The following SLCO4A1 variants were observed in gnomAD, a reference collection of about 807,000 sequenced individuals.
The protein encoded by SLCO4A1 is colon organic anion transporter.
Under a neutral mutation model 64.6 loss-of-function variants are expected in SLCO4A1, and 51 were observed. The observed-to-expected ratio is 0.79, with a 90% CI of 0.63 to 1.00. The LOEUF (loss-of-function observed/expected upper bound fraction) is 1.00, where lower values mean the gene tolerates loss of function less well. SLCO4A1 is among the 50% of genes least tolerant of loss of function. SLCO4A1 has a pLI of 0.00. For synonymous variants in SLCO4A1, 471 were observed against 444.9 expected (o/e 1.06, Z -0.74); for missense variants, 919 against 980.5 (o/e 0.94, Z 0.84).
At position 62,647,833 on chromosome 20, in the gene SLCO4A1, C is replaced by T. The variant is rs114069616; in HGVS notation, c.-97+5280C>T. On this transcript the variant is annotated intron_variant, in intron 1 of 11. Coordinates refer to ENST00000217159, the MANE Select transcript of SLCO4A1 (RefSeq NM_016354.4). ...GCCACCCGCACGTGGCCACTAGCTC[C>T]TCCCAGGTCACTGTCCTGGCTTGAG... 7.3e-3 allele frequency among the ~76,000 whole-genome samples: 1,113 copies of T among 152,334 alleles called. 18 individuals carry two copies. Among genetic ancestry groups the T allele is most frequent in the African/African-American group, 0.025 (1,056 of 41,572 alleles).
At chr20:62,666,826 G>A in intron 7 of SLCO4A1, 2 of 537,710 alleles carry the variant, frequency 3.7e-6, no homozygotes, top group South Asian at 4.6e-5. Flanking sequence ...TGCCTCTCTG[G>A]GCCTCAGCAC....
In SLCO4A1 at chr20:62,671,925, C is replaced by T. The variant is rs758923578; in HGVS notation, c.*32C>T. Reference sequence around the variant, plus strand: ...CCCGCGCCCACCCGGCCACGGCGGGCACTCAGCATTTCCTGATGACAGAAC... The same window carrying T: ...CCCGCGCCCACCCGGCCACGGCGGGTACTCAGCATTTCCTGATGACAGAAC... On this transcript the variant is annotated 3_prime_UTR_variant, in exon 12 of 12. Transcript: ENST00000217159. 3.1e-6 allele frequency: 5 copies of T among 1,605,672 alleles called. No individual in the cohort carries two copies. The highest frequency in any genetic ancestry group is 2.2e-5 in the East Asian group (1 of 44,884).
At chr20:62,667,438 A>G in intron 7 of SLCO4A1, 1 of 359,396 alleles carries the variant, frequency 2.8e-6, no homozygotes, top group East Asian at 4.5e-5. Flanking sequence ...TAATGTTTGT[A>G]TTTGATCCAT....
intron 11 of SLCO4A1, among the ~76,000 whole-genome samples, chr20:62,670,945 C>A (rs1330203034): frequency 6.6e-6 from 1 of 152,252 alleles, no homozygotes; most frequent in Non-Finnish European, 1.5e-5. Flanking sequence ...TGGTCCACGC[C>A]CAGCGTGGAA....
chr20:62,646,510 G>T lies in SLCO4A1; in HGVS notation c.-97+3957G>T, dbSNP rs989991011. Among the ~76,000 whole-genome samples the T allele has an allele frequency of 3.3e-5, 5 of 152,246 alleles. No homozygotes were observed. The South Asian group carries it at 6.2e-4, about 19-fold the overall frequency. Reference sequence around the variant, plus strand: ...CTCACCAGTAGCCGAGGCACAGCGGGGGTCCTGAGCATGGGCAGGGCAAGC... The same window carrying T: ...CTCACCAGTAGCCGAGGCACAGCGGTGGTCCTGAGCATGGGCAGGGCAAGC... On this transcript the variant is annotated intron_variant, in intron 1 of 11. Transcript: ENST00000217159.
At chr20:62,666,153 C>CCCCTTCCCCTTCCCCTTCCCCTTCG (rs1986291177) in intron 6 of SLCO4A1, 4 of 172,670 alleles carry the variant, frequency 2.3e-5, no homozygotes, top group Admixed American at 1.9e-4. Context: ...CTTCCCCTTC[C>CCCCTTCCCCTTCCCCTTCCCCTTCG]CCTCTGAGGC....
rs545004662 is a variant in SLCO4A1 at position 62,663,208 on chromosome 20, C to G, written c.1122-1726C>G. Reference sequence around the variant, plus strand: ...TCAGCTCTGCAAGGCACCTGTGGGCCTGTTGGGGCTCAGAGGCTAACTAGG... The same window carrying G: ...TCAGCTCTGCAAGGCACCTGTGGGCGTGTTGGGGCTCAGAGGCTAACTAGG... On this transcript the variant is annotated intron_variant, in intron 5 of 11. Coordinates refer to ENST00000217159, the MANE Select transcript of SLCO4A1 (RefSeq NM_016354.4). 13 of 152,312 alleles carry G rather than the reference C, an allele frequency of 8.5e-5. No individual in the cohort carries two copies. In the East Asian group the frequency reaches 2.3e-3, roughly 27 times the overall value. The allele number at this position is 152,312 out of a possible 1,614,324, so 9.4% of individuals were successfully genotyped here. A position where few individuals can be genotyped will look rare whatever the true frequency, so the allele number is the denominator to read the frequency against.
chr20:62,679,365 C>CTT (rs11484310), intron 2 of SLCO4A1, among the ~76,000 whole-genome samples: 83 of 147,586 alleles, frequency 5.6e-4, no homozygotes, highest in African/African-American at 5.7e-4. Context: ...CATCAAATTC[C>CTT]TTTTTTTTTT....
chr20:62,681,461 T>C (rs1439706616), intron 2 of SLCO4A1, among the ~76,000 whole-genome samples: 1 of 77,356 alleles, frequency 1.3e-5, no homozygotes, highest in Non-Finnish European at 2.5e-5. Flanking sequence ...AAGCCGTGTG[T>C]ACACACTCGT....
chr20:62,658,475 G>T (rs1010679758), intron 2 of SLCO4A1, among the ~76,000 whole-genome samples: 2 of 152,260 alleles, frequency 1.3e-5, no homozygotes, highest in Non-Finnish European at 2.9e-5. Flanking sequence ...CTTTGAGGGG[G>T]ATTTTTAAAG....
intron 5 of SLCO4A1, among the ~76,000 whole-genome samples, chr20:62,663,683 C>A (rs1454817532): frequency 4.6e-5 from 7 of 152,170 alleles, no homozygotes; most frequent in Admixed American, 6.5e-5. Flanking sequence ...GAGAGCCCCC[C>A]ACTCAGTGGG....
At chr20:62,688,102 C>A (rs57461577), downstream of SLCO4A1, among the ~76,000 whole-genome samples, 25,853 of 151,898 alleles carry the variant, frequency 0.17, 2,302 homozygotes, top group African/African-American at 0.2. Context: ...TCCAGGCTCT[C>A]AGCAGCATAA....
Position 62,671,753 on chromosome 20 carries a change from C to T in SLCO4A1, c.2029C>T (p.Leu677=). 1 of 1,612,968 alleles carries T rather than the reference C, an allele frequency of 6.2e-7. No homozygotes were observed. The highest frequency in any genetic ancestry group is 8.5e-7 in the Non-Finnish European group (1 of 1,179,526). Residue 677 remains leucine (L), a synonymous_variant, in exon 12 of 12, where the codon CTG becomes TTG. Coordinates refer to ENST00000217159, the MANE Select transcript of SLCO4A1 (RefSeq NM_016354.4). ...CAGCGGGCTCCTCTCTCCCCAGGTGCTGGGCGTCCTCTTCTTTGCCATAGC... is the reference window on the plus strand; with the variant it reads ...CAGCGGGCTCCTCTCTCCCCAGGTGTTGGGCGTCCTCTTCTTTGCCATAGC... ...ILIMGLLYKV[L]GVLFFAIACF...
intron 5 of SLCO4A1, among the ~76,000 whole-genome samples, chr20:62,662,413 C>T (rs555102393): frequency 5.5e-4 from 83 of 152,226 alleles, no homozygotes; most frequent in African/African-American, 1.7e-3. Flanking sequence ...CTGTTCCCAG[C>T]GTGGCTGTGA....
At chr20:62,666,213 G>A (rs992093192) in intron 6 of SLCO4A1, among the ~76,000 whole-genome samples, 167 bp from the exon 7 acceptor site, 2 of 149,374 alleles carry the variant, frequency 1.3e-5, no homozygotes, top group Non-Finnish European at 3.0e-5. Context: ...CTCTATCAGC[G>A]CAACAGCTAA....
downstream of SLCO4A1, among the ~76,000 whole-genome samples, chr20:62,686,804 A>C (rs779527433): frequency 6.6e-6 from 1 of 151,950 alleles, no homozygotes; most frequent in African/African-American, 2.4e-5. Flanking sequence ...GTGGCTGGCC[A>C]GGGCGCCCAT....
chr20:62,670,768 C>T (rs1007245826), intron 11 of SLCO4A1, among the ~76,000 whole-genome samples: 4 of 152,256 alleles, frequency 2.6e-5, no homozygotes, highest in Non-Finnish European at 4.4e-5. Context: ...TTGGCCTCAG[C>T]AGCGCATGCG....
intron 11 of SLCO4A1, among the ~76,000 whole-genome samples, chr20:62,670,513 C>T (rs941380859): frequency 1.3e-5 from 2 of 152,230 alleles, no homozygotes; most frequent in East Asian, 3.8e-4. Context: ...GGAGGCGCCT[C>T]CTTCAGCGAG....
At chr20:62,682,136 G>A (rs560140965) in intron 2 of SLCO4A1, among the ~76,000 whole-genome samples, 10 of 152,246 alleles carry the variant, frequency 6.6e-5, no homozygotes, top group Non-Finnish European at 1.5e-4. Flanking sequence ...CGACGGTGTG[G>A]TCTGTCTGTC....
Sources: allele counts gnomAD v4.1 joint callset (sites outside exome capture counted in the v4.1 genomes callset), GRCh38; gene constraint gnomAD v4.1.1; transcripts MANE v1.5; gene names NCBI Gene and HGNC (gene_info 2026-07-23, HGNC 2026-07-21).